The following ERC1 variants were observed in gnomAD, a reference collection of about 807,000 sequenced individuals.
ERC1 encodes RAB6 interacting protein 2.
Under a neutral mutation model 132.0 loss-of-function variants are expected in ERC1, and 56 were observed. The observed-to-expected ratio is 0.42, with a 90% CI of 0.34 to 0.53. ERC1 has a LOEUF of 0.53. Ranked by LOEUF, ERC1 falls within the 20% of genes least tolerant of loss-of-function variation. ERC1 has a pLI of 0.03. For synonymous variants in ERC1, 478 were observed against 476.1 expected, an observed-to-expected ratio of 1.00 and a Z score of -0.05; for missense variants, 1,202 against 1,349.9, an observed-to-expected ratio of 0.89 and a Z score of 1.72.
At chr12:1,393,607 CGTGTGTGTGTGTGTGTGTGTGTGTGTGT>C (rs34533745) in intron 16 of ERC1, among the ~76,000 whole-genome samples, 5 of 140,158 alleles carry the variant, frequency 3.6e-5, no homozygotes, top group African/African-American at 1.3e-4. Context: ...AGAGAACACA[CGTGTGTGTGTGTGTGTGTGTGTGTGTGT>C]GTGTGTGTGT....
chr12:1,264,901 T>C (rs1205336452), intron 14 of ERC1, among the ~76,000 whole-genome samples: 1 of 152,200 alleles, frequency 6.6e-6, no homozygotes, highest in Non-Finnish European at 1.5e-5. Context: ...AGACATAGTA[T>C]GTGCCCCAGG....
In ERC1 at chr12:1,259,529, T is replaced by C. The variant is rs1313476758; in HGVS notation, c.2488-3505T>C. On this transcript the variant is annotated intron_variant, in intron 13 of 18. Transcript: ENST00000360905. ...ATCTCTTTCTTTCTTTCTTTTTTTTTTTTTTTTTTTTTGAGACGGAGTCTC... is the reference window on the plus strand; with the variant it reads ...ATCTCTTTCTTTCTTTCTTTTTTTTCTTTTTTTTTTTTGAGACGGAGTCTC... Among the ~76,000 whole-genome samples, 80 of 143,798 alleles carry C rather than the reference T, an allele frequency of 5.6e-4. 2 individuals are homozygous for C. The highest frequency in any genetic ancestry group is 1.9e-3 in the African/African-American group (75 of 39,190). 94.3% of individuals were successfully genotyped at this position (143,798 alleles called of 152,430 possible).
At position 1,118,107 on chromosome 12, in the gene ERC1, A is replaced by G. The variant is rs1168473830; in HGVS notation, c.1569+2074A>G. 2.0e-5 allele frequency among the ~76,000 whole-genome samples: 3 copies of G among 152,232 alleles called. No homozygotes were observed. In the South Asian group the frequency reaches 6.2e-4, roughly 32 times the overall value. On this transcript the variant is annotated intron_variant, in intron 7 of 18. Transcript: ENST00000360905. ...TCTTTAAGTTATTTTAAAATGTAAT[A>G]GCTTTATTAATCGTTTTTCACTTCA...
intron 7 of ERC1, among the ~76,000 whole-genome samples, chr12:1,125,032 T>C (rs1566027864): frequency 6.6e-6 from 1 of 152,060 alleles, no homozygotes; most frequent in Non-Finnish European, 1.5e-5. Flanking sequence ...TCTTGCTCTT[T>C]CGCCTAGGCC....
At chr12:1,467,879 G>A (rs902977443) in intron 18 of ERC1, among the ~76,000 whole-genome samples, 7 of 152,152 alleles carry the variant, frequency 4.6e-5, no homozygotes, top group Non-Finnish European at 7.3e-5. Context: ...TAGGGTTTGC[G>A]CTCATATGAG....
intron 12 of ERC1, among the ~76,000 whole-genome samples, chr12:1,199,508 C>T (rs567414446): frequency 4.6e-5 from 7 of 152,236 alleles, no homozygotes; most frequent in African/African-American, 1.2e-4. Context: ...CGGTGGTTCA[C>T]GCCTGTAATC....
chr12:1,139,421 A>G (rs570875919), intron 7 of ERC1, among the ~76,000 whole-genome samples: 1 of 152,162 alleles, frequency 6.6e-6, no homozygotes, highest in Non-Finnish European at 1.5e-5. Context: ...ATATTGTTAC[A>G]ATTGTTCTAT....
intron 18 of ERC1, among the ~76,000 whole-genome samples, chr12:1,483,959 G>A (rs1470796426): frequency 5.9e-5 from 9 of 151,734 alleles, no homozygotes; most frequent in Non-Finnish European, 1.2e-4. Flanking sequence ...CTCCCTGAGT[G>A]CTGGGATTAT....
chr12:1,133,794 C>A (rs1481024392), intron 7 of ERC1, among the ~76,000 whole-genome samples: 1 of 152,130 alleles, frequency 6.6e-6, no homozygotes, highest in African/African-American at 2.4e-5. Context: ...TCAGCATCTC[C>A]CCATGCCTCT....
At chr12:1,229,445 A>T (rs960560499) in intron 12 of ERC1, among the ~76,000 whole-genome samples, 1 of 152,160 alleles carries the variant, frequency 6.6e-6, no homozygotes, top group African/African-American at 2.4e-5. Context: ...ATGAACTATG[A>T]TGGTGTCACT....
At chr12:1,415,301 T>G (rs2092060300) in intron 17 of ERC1, among the ~76,000 whole-genome samples, 1 of 152,242 alleles carries the variant, frequency 6.6e-6, no homozygotes, top group Non-Finnish European at 1.5e-5. Context: ...ACCAAGGGGC[T>G]TAAAAGTTGG....
intron 12 of ERC1, among the ~76,000 whole-genome samples, chr12:1,224,703 G>A (rs1180595460): frequency 6.6e-6 from 1 of 152,044 alleles, no homozygotes; most frequent in Non-Finnish European, 1.5e-5. Flanking sequence ...AAAATAGGCT[G>A]GGCGCTGTAG....
At chr12:1,138,297 A>AATATAATTACAATATATGATATATATT (rs1949544397) in intron 7 of ERC1, among the ~76,000 whole-genome samples, 2 of 138,144 alleles carry the variant, frequency 1.4e-5, no homozygotes, top group African/African-American at 5.3e-5. Flanking sequence ...TATATTATAT[A>AATATAATTACAATATATGATATATATT]ATATATGTTG....
intron 1 of ERC1, among the ~76,000 whole-genome samples, chr12:1,017,060 G>A (rs1965636344): frequency 6.6e-6 from 1 of 152,032 alleles, no homozygotes. Context: ...GCAGTGGCAT[G>A]ATCTCGGCTC....
intron 2 of ERC1, among the ~76,000 whole-genome samples, chr12:1,059,375 G>A (rs1973598259): frequency 6.6e-6 from 1 of 152,076 alleles, no homozygotes; most frequent in African/African-American, 2.4e-5. Flanking sequence ...ACTATGTTGA[G>A]TAAGAATGGT....
chr12:1,004,399 CTCTTT>C (rs1963077959), intron 1 of ERC1, among the ~76,000 whole-genome samples: 1 of 132,194 alleles, frequency 7.6e-6, no homozygotes, highest in Non-Finnish European at 1.6e-5. Flanking sequence ...TTTTTTCTTT[CTCTTT>C]TTTTTTTTTT....
chr12:1,494,402 CATTACA>C lies in ERC1; in HGVS notation c.*4173_*4178del. The C allele has an allele frequency of 4.3e-6, 1 of 232,180 alleles. No homozygotes were observed. The highest frequency in any genetic ancestry group is 8.5e-6 in the Non-Finnish European group (1 of 117,370). The allele number at this position is 232,180 out of a possible 1,614,324, so 14.4% of individuals were successfully genotyped here. Reference sequence around the variant, plus strand: ...GAAGAATTAGGCAAGAAAAGACATACATTACAGGGAAATCCTTCTGAACAAAATGGC... The same window carrying C: ...GAAGAATTAGGCAAGAAAAGACATACGGGAAATCCTTCTGAACAAAATGGC... On this transcript the variant is annotated 3_prime_UTR_variant, in exon 19 of 19. Coordinates refer to ENST00000360905, the MANE Select transcript of ERC1 (RefSeq NM_178040.4).
intron 12 of ERC1, among the ~76,000 whole-genome samples, chr12:1,223,558 G>A (rs1313917448): frequency 6.6e-6 from 1 of 152,114 alleles, no homozygotes; most frequent in African/African-American, 2.4e-5. Flanking sequence ...GCAAGATGGT[G>A]GACCACATTT....
At chr12:1,361,778 T>C (rs141950605) in intron 15 of ERC1, among the ~76,000 whole-genome samples, 1 of 152,336 alleles carries the variant, frequency 6.6e-6, no homozygotes, top group African/African-American at 2.4e-5. Flanking sequence ...GGAAGGCCTT[T>C]ACTTACTATC....
Sources: gnomAD v4.1 joint callset for allele counts (sites outside exome capture counted in the v4.1 genomes callset) on GRCh38, gnomAD v4.1.1 for gene constraint, MANE v1.5 for transcripts, NCBI Gene and HGNC (gene_info 2026-07-23, HGNC 2026-07-21) for gene names.